The following ATP9B variants were observed in gnomAD, a reference collection of about 807,000 sequenced individuals.
The protein encoded by ATP9B is probable phospholipid-transporting ATPase IIB.
In ATP9B, 110 loss-of-function variants were observed where a neutral mutation model predicts 146.1. That is an observed-to-expected ratio of 0.75 (90% confidence interval 0.65 to 0.88). ATP9B has a LOEUF of 0.88. ATP9B is among the 40% of genes least tolerant of loss of function. The probability of loss-of-function intolerance (pLI) is 0.00; values close to 1 mark genes in which losing one functional copy is unlikely to be tolerated. For synonymous variants in ATP9B, 604 were observed against 569.7 expected (o/e 1.06, Z -0.86); for missense variants, 1,499 against 1,496.4 (o/e 1.00, Z -0.03).
At chr18:79,287,618 C>T (rs2096458705) in intron 13 of ATP9B, among the ~76,000 whole-genome samples, 1 of 151,230 alleles carries the variant, frequency 6.6e-6, no homozygotes, top group African/African-American at 2.4e-5. Flanking sequence ...CTATTTCCTT[C>T]AGTTCTGCTC....
intron 26 of ATP9B, among the ~76,000 whole-genome samples, chr18:79,369,226 G>A (rs187278801): frequency 4.0e-5 from 6 of 151,148 alleles, no homozygotes; most frequent in South Asian, 2.1e-4. Flanking sequence ...GTAAAACCCC[G>A]TCTCTACTAA....
At chr18:79,231,003 A>C (rs528554453) in intron 11 of ATP9B, among the ~76,000 whole-genome samples, 2 of 152,336 alleles carry the variant, frequency 1.3e-5, no homozygotes, top group Non-Finnish European at 2.9e-5. Context: ...AAATCAACTC[A>C]AGATGGATCA....
At chr18:79,351,455 G>A (rs1011474731) in intron 25 of ATP9B, among the ~76,000 whole-genome samples, 7 of 152,156 alleles carry the variant, frequency 4.6e-5, no homozygotes, top group Admixed American at 2.6e-4. Flanking sequence ...GCTTTGGAGG[G>A]GCGATGCCTT....
chr18:79,247,941 G>C (rs1564662), intron 11 of ATP9B, among the ~76,000 whole-genome samples: 1 of 152,178 alleles, frequency 6.6e-6, no homozygotes, highest in African/African-American at 2.4e-5. Flanking sequence ...ATTGTCTATT[G>C]TGTAAATACA....
chr18:79,173,959 G>A (rs1286785968), intron 7 of ATP9B, among the ~76,000 whole-genome samples: 2 of 152,176 alleles, frequency 1.3e-5, no homozygotes, highest in African/African-American at 4.8e-5. Context: ...TTCTTCATTT[G>A]CTAGTCTGAG....
rs1002819546 is a variant in ATP9B, at chr18:79,373,758, G to A, written c.3071-140G>A. On this transcript the variant is annotated intron_variant, in intron 27 of 29. Coordinates refer to ENST00000426216, the MANE Select transcript of ATP9B (RefSeq NM_198531.5). ...CCCGCCTCAGCCTCCCAAAGTGCTG[G>A]GAAGACAGACATGAGCTGCTGCGCC... The A allele has an allele frequency of 1.4e-5, 12 of 840,444 alleles. 1 individual carries two copies. The highest frequency in any genetic ancestry group is 1.3e-4 in the East Asian group (5 of 37,636). 52.1% of individuals were successfully genotyped at this position (840,444 alleles called of 1,614,324 possible).
At chr18:79,326,022 T>C (rs749256783) in intron 15 of ATP9B, among the ~76,000 whole-genome samples, 2 of 126,418 alleles carry the variant, frequency 1.6e-5, no homozygotes, top group Admixed American at 1.5e-4. Context: ...TCCCGTCATA[T>C]AGTGTTAGGG....
At position 79,330,196 on chromosome 18, in the gene ATP9B, A is replaced by T. The variant is rs367674949; in HGVS notation, c.2028+92A>T. 7.7e-6 allele frequency: 9 copies of T among 1,170,942 alleles called. No homozygotes were observed. In the Admixed American group the frequency reaches 1.2e-4, roughly 16 times the overall value. 72.5% of individuals were successfully genotyped at this position (1,170,942 alleles called of 1,614,324 possible). On this transcript the variant is annotated intron_variant, in intron 17 of 29. Transcript: ENST00000426216. Reference sequence around the variant, plus strand: ...AGCCTGGTTCACAGTGTTTCTATGAACTTTATTGATAGATGACAGGAAAAG... The same window carrying T: ...AGCCTGGTTCACAGTGTTTCTATGATCTTTATTGATAGATGACAGGAAAAG...
chr18:79,377,140 TG>T, intron 29 of ATP9B, 106 bp from the exon 30 acceptor site: 3 of 1,345,636 alleles, frequency 2.2e-6, no homozygotes, highest in Non-Finnish European at 2.1e-6. Context: ...GATGTTTCCG[TG>T]GCAAGCTTAG....
intron 15 of ATP9B, among the ~76,000 whole-genome samples, chr18:79,308,705 A>T (rs2096633205): frequency 1.4e-5 from 2 of 140,136 alleles, no homozygotes; most frequent in South Asian, 2.6e-4. Flanking sequence ...GTAGAAGGTC[A>T]GGGGTGGTGG....
At chr18:79,181,669 T>C (rs1311235593) in intron 8 of ATP9B, among the ~76,000 whole-genome samples, 4 of 152,224 alleles carry the variant, frequency 2.6e-5, no homozygotes, top group Admixed American at 2.6e-4. Flanking sequence ...CTAACATTTA[T>C]CTTTTTCAGT....
At chr18:79,367,869 A>G (rs2097044050) in intron 26 of ATP9B, among the ~76,000 whole-genome samples, 1 of 152,258 alleles carries the variant, frequency 6.6e-6, no homozygotes, top group South Asian at 2.1e-4. Flanking sequence ...TTTGAGGAGC[A>G]GCCAGGTCAT....
chr18:79,185,324 T>G (rs1425830725), intron 8 of ATP9B, among the ~76,000 whole-genome samples: 1 of 149,374 alleles, frequency 6.7e-6, no homozygotes, highest in African/African-American at 2.5e-5. Context: ...TGACATTTTA[T>G]TATCTTCAAT....
chr18:79,071,858 A>G (rs1371143482), intron 1 of ATP9B, among the ~76,000 whole-genome samples: 1 of 139,554 alleles, frequency 7.2e-6, no homozygotes, highest in Non-Finnish European at 1.5e-5. Context: ...GTGTCTTATC[A>G]TGGATTTCTT....
At chr18:79,171,203 G>A (rs1387302823) in intron 7 of ATP9B, among the ~76,000 whole-genome samples, 1 of 152,092 alleles carries the variant, frequency 6.6e-6, no homozygotes, top group African/African-American at 2.4e-5. Flanking sequence ...TAAAAATCTA[G>A]ATATTATTTA....
At chr18:79,126,889 C>A (rs1019165580) in intron 5 of ATP9B, among the ~76,000 whole-genome samples, 4 of 152,148 alleles carry the variant, frequency 2.6e-5, no homozygotes, top group Admixed American at 2.6e-4. Flanking sequence ...GCTTAACTTA[C>A]ATCCTTCAAG....
At position 79,188,363 on chromosome 18, in the gene ATP9B, A is replaced by G. The variant is rs759291086; in HGVS notation, c.874-4820A>G. Among the ~76,000 whole-genome samples the G allele has an allele frequency of 5.9e-5, 9 of 152,362 alleles. No individual in the cohort carries two copies. In the East Asian group the frequency reaches 1.3e-3, roughly 23 times the overall value. ...TCAGAATACAGGCCAAGGTTGGGAA[A>G]TACAAATTGATGGTTACCAGTTTTA... On this transcript the variant is annotated intron_variant, in intron 8 of 29. Transcript: ENST00000426216.
rs1004832812 is a variant in ATP9B, at chr18:79,195,715, G to C, written c.954+2452G>C. On this transcript the variant is annotated intron_variant, in intron 9 of 29. Transcript: ENST00000426216. ...AACTGAACTCAGGAGAACACTGAACGTGAGCATCTGAGAAGGGAGGACCGA... is the reference window on the plus strand; with the variant it reads ...AACTGAACTCAGGAGAACACTGAACCTGAGCATCTGAGAAGGGAGGACCGA... 2.6e-5 allele frequency among the ~76,000 whole-genome samples: 4 copies of C among 152,204 alleles called. No homozygotes were observed. The South Asian group carries it at 8.3e-4, about 31-fold the overall frequency.
intron 11 of ATP9B, among the ~76,000 whole-genome samples, chr18:79,244,153 C>T (rs570949429): frequency 3.8e-4 from 56 of 149,132 alleles, no homozygotes; most frequent in African/African-American, 1.3e-3. Flanking sequence ...CCCCTCTATT[C>T]TCCGCAGTTT....
Sources: allele counts gnomAD v4.1 joint callset (sites outside exome capture counted in the v4.1 genomes callset), GRCh38; gene constraint gnomAD v4.1.1; transcripts MANE v1.5; gene names NCBI Gene and HGNC (gene_info 2026-07-23, HGNC 2026-07-21).